Variants in HTR7 observed in about 807,000 individuals in gnomAD.
HTR7 encodes the protein 5-HT-7.
In HTR7, 16 loss-of-function variants were observed where a neutral mutation model predicts 34.0. The ratio of observed to expected loss-of-function variants is 0.47; its 90% CI spans 0.32 to 0.71. The LOEUF (loss-of-function observed/expected upper bound fraction) is 0.71. Among genes scored for constraint, HTR7 ranks in the 30% least tolerant of loss-of-function variants. The pLI is 0.04. For missense variants in HTR7, 504 were observed against 625.5 expected, an observed-to-expected ratio of 0.81 and a Z score of 2.07; for synonymous variants, 265 against 260.2, an observed-to-expected ratio of 1.02 and a Z score of -0.18.
rs535966714 is a variant in HTR7 at position 90,776,735 on chromosome 10, T to A, written c.540-27141A>T. On this transcript the variant is annotated intron_variant, in intron 1 of 3. Transcript: ENST00000336152. Reference sequence around the variant, plus strand: ...TTGAATCCTAAGATTCATGTTTTGCTCCTTAATGTGAAAAATCTTTCTAAA... The same window carrying A: ...TTGAATCCTAAGATTCATGTTTTGCACCTTAATGTGAAAAATCTTTCTAAA... 9.2e-5 allele frequency among the ~76,000 whole-genome samples: 14 copies of A among 152,312 alleles called. No homozygotes were observed. The South Asian group carries it at 2.9e-3, about 32-fold the overall frequency.
intron 1 of HTR7, among the ~76,000 whole-genome samples, chr10:90,831,399 G>A (rs1443483748): frequency 1.3e-5 from 2 of 152,020 alleles, no homozygotes; most frequent in Non-Finnish European, 2.9e-5. Flanking sequence ...ATCTGGAGTT[G>A]TTTGTTCCTC....
At chr10:90,807,071 C>T (rs1845716830) in intron 1 of HTR7, among the ~76,000 whole-genome samples, 3 of 152,286 alleles carry the variant, frequency 2.0e-5, no homozygotes, top group East Asian at 1.9e-4. Context: ...TTTACTAAAA[C>T]GGATTGTAAC....
rs369839575 is a variant in HTR7, at chr10:90,749,224, T to C, written c.910A>G (p.Asn304Asp). Residue 304 changes from asparagine (N) to aspartate (D), a missense_variant, in exon 2 of 4, where the codon AAC (asparagine) becomes GAC (aspartate). Transcript: ENST00000336152. This position sits in a 1 kb window ranked among gnomAD's most constrained non-coding sequence, Gnocchi z 4.2. The stretch of plus-strand genomic sequence containing the variant: ...TCATGCTTGAGGAGTCTCGAAAGGT[T>C]TGCACACTCTTCCACCTCCTTCTGG... ...KLQKEVEECA[N>D]LSRLLKHERK... 1.2e-6 allele frequency: 2 copies of C among 1,613,916 alleles called. No homozygotes were observed. Among genetic ancestry groups the C allele is most frequent in the African/African-American group, 2.7e-5 (2 of 74,886 alleles).
intron 1 of HTR7, among the ~76,000 whole-genome samples, chr10:90,819,744 G>C (rs924364177): frequency 6.6e-6 from 1 of 152,000 alleles, no homozygotes; most frequent in Non-Finnish European, 1.5e-5. Flanking sequence ...CCCCAGACCA[G>C]GAATCATTCA....
Position 90,857,005 on chromosome 10 carries a change from T to C in HTR7, c.539+128A>G. 1.2e-6 allele frequency: 1 copy of C among 812,160 alleles called. No homozygotes were observed. The highest frequency in any genetic ancestry group is 1.9e-6 in the Non-Finnish European group (1 of 522,276). The allele number at this position is 812,160 out of a possible 1,614,324, so 50.3% of individuals were successfully genotyped here. ...GTGTAGGGTGGATTGGGGGGAGCGG[T>C]GTTTTAAGCGCAGCCCTTCATCCCG... On this transcript the variant is annotated intron_variant, in intron 1 of 3. Transcript: ENST00000336152. The surrounding 1 kb of genome is among the most constrained non-coding windows in gnomAD (Gnocchi z 6.5).
In HTR7 at chr10:90,857,423, C is replaced by T. The variant is rs1038730970; in HGVS notation, c.249G>A (p.Val83=). ...TGATGAGCGTCAGGATGGAGCCGAT[C>T]ACAACTTTCTCGACTCTGCCGTAGT... is the stretch of plus-strand genomic sequence containing the variant. The part of the protein sequence containing the change: ...QINYGRVEKV[V]IGSILTLITL... The change falls in exon 1 of 4, where the codon GTG becomes GTA. Residue 83 remains valine, a synonymous_variant. Transcript: ENST00000336152. The surrounding 1 kb of genome is among the most constrained non-coding windows in gnomAD (Gnocchi z 6.5). The T allele has an allele frequency of 1.9e-6, 3 of 1,614,072 alleles. No individual in the cohort carries two copies. Among genetic ancestry groups the T allele is most frequent in the Non-Finnish European group, 2.5e-6 (3 of 1,180,028 alleles).
At chr10:90,836,410 G>T (rs183468042) in intron 1 of HTR7, among the ~76,000 whole-genome samples, 2 of 152,120 alleles carry the variant, frequency 1.3e-5, no homozygotes, top group Non-Finnish European at 2.9e-5. Context: ...GGTCAGTATC[G>T]AACAATATTA....
rs571707862 is a variant in HTR7 at position 90,855,955 on chromosome 10, C to T, written c.539+1178G>A. Among the ~76,000 whole-genome samples, 4 of 152,234 alleles carry T rather than the reference C, an allele frequency of 2.6e-5. No homozygotes were observed. The South Asian group carries it at 8.3e-4, about 32-fold the overall frequency. On this transcript the variant is annotated intron_variant, in intron 1 of 3. Transcript: ENST00000336152. ...ACCCTGGTCAAGCAAAAAATACATACAGCAGAACATTTTAAGTACCAGCAA... is the reference window on the plus strand; with the variant it reads ...ACCCTGGTCAAGCAAAAAATACATATAGCAGAACATTTTAAGTACCAGCAA...
Position 90,857,682 on chromosome 10 carries a change from T to G in HTR7, c.-11A>C. 1 of 1,529,548 alleles carries G rather than the reference T, an allele frequency of 6.5e-7. No individual in the cohort carries two copies. Among genetic ancestry groups the G allele is most frequent in the African/African-American group, 1.4e-5 (1 of 70,080 alleles). 94.7% of individuals were successfully genotyped at this position (1,529,548 alleles called of 1,614,324 possible). ...GTTAACGTCCATCATCGCGCCGCCGTGTGCCGCTGCCCATGGAGCCGGCGC... is the reference window on the plus strand; with the variant it reads ...GTTAACGTCCATCATCGCGCCGCCGGGTGCCGCTGCCCATGGAGCCGGCGC... On this transcript the variant is annotated 5_prime_UTR_variant, in exon 1 of 4. Coordinates refer to ENST00000336152, the MANE Select transcript of HTR7 (RefSeq NM_019859.4). The surrounding 1 kb of genome is among the most constrained non-coding windows in gnomAD (Gnocchi z 6.5).
At chr10:90,775,560 G>A (rs1845193198) in intron 1 of HTR7, among the ~76,000 whole-genome samples, 1 of 152,188 alleles carries the variant, frequency 6.6e-6, no homozygotes, top group South Asian at 2.1e-4. Flanking sequence ...GTGGTCAGAA[G>A]CCAAACCTCA....
chr10:90,771,745 G>T (rs1056122844), intron 1 of HTR7, among the ~76,000 whole-genome samples: 3 of 152,178 alleles, frequency 2.0e-5, no homozygotes, highest in Non-Finnish European at 4.4e-5. Context: ...AATCTCCCTT[G>T]AAGGTGTGGG....
chr10:90,754,187 T>C lies in HTR7; in HGVS notation c.540-4593A>G, dbSNP rs141890936. ...CTTTAGAAAGCTGATAATTAAATCT[T>C]ACATTGTTTTATTTGATTAGCTTGT... is the stretch of plus-strand genomic sequence containing the variant. On this transcript the variant is annotated intron_variant, in intron 1 of 3. Coordinates refer to ENST00000336152, the MANE Select transcript of HTR7 (RefSeq NM_019859.4). Among the ~76,000 whole-genome samples, 16 of 152,250 alleles carry C rather than the reference T, an allele frequency of 1.1e-4. No homozygotes were observed. In the East Asian group the frequency reaches 3.1e-3, roughly 29 times the overall value.
intron 1 of HTR7, among the ~76,000 whole-genome samples, chr10:90,828,107 A>T (rs766565084): frequency 3.3e-5 from 5 of 152,230 alleles, no homozygotes; most frequent in Non-Finnish European, 4.4e-5. Flanking sequence ...TACACTCCTG[A>T]ATGACCAGTT....
rs377527216 is a variant in HTR7, at chr10:90,750,509, T to C, written c.540-915A>G. ...AAACCTGTGTTTTCCTCATATTTAA[T>C]AGTCGTAGAGTCTTTTTTGGAAAGC... On this transcript the variant is annotated intron_variant, in intron 1 of 3. Coordinates refer to ENST00000336152, the MANE Select transcript of HTR7 (RefSeq NM_019859.4). 5.9e-5 allele frequency among the ~76,000 whole-genome samples: 9 copies of C among 152,208 alleles called. No individual in the cohort carries two copies. In the East Asian group the frequency reaches 1.3e-3, roughly 23 times the overall value.
intron 1 of HTR7, among the ~76,000 whole-genome samples, chr10:90,847,633 T>C (rs975926239): frequency 2.0e-5 from 3 of 152,308 alleles, no homozygotes; most frequent in Admixed American, 2.0e-4. Context: ...TCATAGTACC[T>C]GGCGAGGAAG....
chr10:90,854,576 G>GA (rs1040825560), intron 1 of HTR7, among the ~76,000 whole-genome samples: 3 of 152,186 alleles, frequency 2.0e-5, no homozygotes, highest in Admixed American at 6.5e-5. Flanking sequence ...TTTGGTGGGG[G>GA]AAAGATAAAA....
intron 1 of HTR7, among the ~76,000 whole-genome samples, chr10:90,782,435 A>T (rs1253624366): frequency 6.6e-6 from 1 of 152,184 alleles, no homozygotes; most frequent in African/African-American, 2.4e-5. Context: ...TATGCCCCTA[A>T]TAAGTATAAA....
chr10:90,750,164 GATCATTATTATT>G (rs1465401684), intron 1 of HTR7, among the ~76,000 whole-genome samples: 4 of 152,222 alleles, frequency 2.6e-5, no homozygotes, highest in African/African-American at 9.6e-5. Flanking sequence ...AGCAAAAAAT[GATCATTATTATT>G]ATCATTATTA....
intron 1 of HTR7, among the ~76,000 whole-genome samples, chr10:90,775,281 C>CT (rs1247764398): frequency 6.6e-6 from 1 of 152,164 alleles, no homozygotes; most frequent in Non-Finnish European, 1.5e-5. Context: ...AAATCATCAT[C>CT]CTTGGTGATT....
Sources: allele counts gnomAD v4.1 joint callset (sites outside exome capture counted in the v4.1 genomes callset), GRCh38; gene constraint gnomAD v4.1.1; non-coding constraint Gnocchi (gnomAD v3.1); transcripts MANE v1.5; gene names NCBI Gene and HGNC (gene_info 2026-07-23, HGNC 2026-07-21).